TMCC3: variants seen among roughly 807,000 people sequenced by gnomAD.
TMCC3 encodes the protein transmembrane and coiled-coil domain family 3.
A neutral mutation model predicts 40.2 loss-of-function variants in TMCC3; 28 were observed. The observed-to-expected ratio is 0.70, with a 90% CI of 0.52 to 0.95. The LOEUF (loss-of-function observed/expected upper bound fraction) is 0.95, where lower values mean the gene tolerates loss of function less well. Ranked by LOEUF, TMCC3 falls within the 40% of genes least tolerant of loss-of-function variation. The pLI, the probability that TMCC3 is intolerant of heterozygous loss-of-function variation, is 0.00. For missense variants in TMCC3, 554 were observed against 615.2 expected (o/e 0.90, Z 1.05); for synonymous variants, 255 against 248.5 (o/e 1.03, Z -0.25).
chr12:94,628,813 C>T (rs1027573665), intron 1 of TMCC3, among the ~76,000 whole-genome samples: 2 of 152,170 alleles, frequency 1.3e-5, no homozygotes, highest in African/African-American at 4.8e-5. Flanking sequence ...TTCTAGGGCA[C>T]TTAAAGGGTG....
Position 94,582,277 on chromosome 12 carries a change from C to T in TMCC3, c.340G>A (p.Val114Ile), listed in dbSNP as rs759673543. 1.2e-6 allele frequency: 2 copies of T among 1,614,140 alleles called. No homozygotes were observed. Among genetic ancestry groups the T allele is most frequent in the Non-Finnish European group, 1.7e-6 (2 of 1,180,036 alleles). ...GATTTCTGATTCTTCTTCTCAAAGA[C>T]TTGCTTGATACGTCCCGCCTGCTGC... is the stretch of plus-strand genomic sequence containing the variant. Reference protein sequence around the residue: ...DKQQAGRIKQVFEKKNQKSAH... With the variant: ...DKQQAGRIKQIFEKKNQKSAH... The change falls in exon 2 of 4, where the codon GTC (valine) becomes ATC (isoleucine). Residue 114 changes from valine to isoleucine, a missense_variant. Transcript: ENST00000261226.
chr12:94,590,260 A>ATTTT (rs72186655), intron 1 of TMCC3, among the ~76,000 whole-genome samples: 2,347 of 85,310 alleles, frequency 0.028, 194 homozygotes, highest in African/African-American at 0.094. Flanking sequence ...CGCCCTGCTA[A>ATTTT]TTTTTTTTTT....
chr12:94,631,807 CTT>C (rs1487084587), intron 1 of TMCC3, among the ~76,000 whole-genome samples: 7 of 152,174 alleles, frequency 4.6e-5, no homozygotes, highest in Non-Finnish European at 1.5e-5. Context: ...AACTAACCTA[CTT>C]TCTAACTGTG....
intron 1 of TMCC3, among the ~76,000 whole-genome samples, chr12:94,644,022 T>TA (rs751423281): frequency 4.6e-5 from 7 of 152,256 alleles, no homozygotes; most frequent in Non-Finnish European, 1.0e-4. Context: ...TGGTGTACAG[T>TA]AAGCACTCAG....
At position 94,571,590 on chromosome 12, in the gene TMCC3, C is replaced by G; in HGVS notation, c.1279G>C (p.Val427Leu). Residue 427 changes from valine (V) to leucine (L), a missense_variant, in exon 4 of 4, where the codon GTG becomes CTG. Coordinates refer to ENST00000261226, the MANE Select transcript of TMCC3 (RefSeq NM_020698.4). ...AACTTCGCGATGGTGGACACACACA[C>G]TAAGATGACAGTCATGAAGGCCAGG... The part of the protein sequence containing the change: ...VILAFMTVIL[V>L]CVSTIAKFVS... 3 of 1,614,176 alleles carry G rather than the reference C, an allele frequency of 1.9e-6. No homozygotes were observed. Among genetic ancestry groups the G allele is most frequent in the Non-Finnish European group, 2.5e-6 (3 of 1,180,044 alleles).
At chr12:94,584,647 T>C (rs2068627460) in intron 1 of TMCC3, among the ~76,000 whole-genome samples, 2 of 150,838 alleles carry the variant, frequency 1.3e-5, no homozygotes, top group South Asian at 2.1e-4. Context: ...TCAGGCCTCC[T>C]CCACAACTTA....
chr12:94,587,952 A>C (rs1392362071), intron 1 of TMCC3, among the ~76,000 whole-genome samples: 1 of 152,232 alleles, frequency 6.6e-6, no homozygotes, highest in Non-Finnish European at 1.5e-5. Context: ...CCGCCTACTG[A>C]AACGCCATTC....
chr12:94,575,785 G>C lies in TMCC3; in HGVS notation c.1131+2609C>G, dbSNP rs553157324. ...AACGACTTCGTGAAGCAATTGTACT[G>C]TTCACTTGGCAACATTTTTATTTGT... On this transcript the variant is annotated intron_variant, in intron 3 of 3. Coordinates refer to ENST00000261226, the MANE Select transcript of TMCC3 (RefSeq NM_020698.4). 2.0e-5 allele frequency among the ~76,000 whole-genome samples: 3 copies of C among 152,202 alleles called. No individual in the cohort carries two copies. The South Asian group carries it at 6.2e-4, about 32-fold the overall frequency.
At chr12:94,595,159 C>T (rs375939252) in intron 1 of TMCC3, among the ~76,000 whole-genome samples, 70 of 152,168 alleles carry the variant, frequency 4.6e-4, no homozygotes, top group Non-Finnish European at 5.3e-4. Context: ...CCTTCTTTTT[C>T]GACTTTTGGA....
Position 94,590,846 on chromosome 12 carries a change from A to C in TMCC3, c.79-8308T>G. On this transcript the variant is annotated intron_variant, in intron 1 of 3. Transcript: ENST00000261226. ...ATGGGGGACGATGTGCACCCGCAAC[A>C]AACTACCAACACTGGAGAGGAGCCC... 6 of 536,496 alleles carry C rather than the reference A, an allele frequency of 1.1e-5. No individual in the cohort carries two copies. The East Asian group carries it at 2.8e-4, about 25-fold the overall frequency. 33.2% of individuals were successfully genotyped at this position (536,496 alleles called of 1,614,324 possible). A position where few individuals can be genotyped will look rare whatever the true frequency, so the allele number is the denominator to read the frequency against.
chr12:94,631,351 T>C (rs1046018694), intron 1 of TMCC3, among the ~76,000 whole-genome samples: 1 of 152,188 alleles, frequency 6.6e-6, no homozygotes, highest in African/African-American at 2.4e-5. Context: ...GTAACCGTAT[T>C]TCAAGATAGG....
chr12:94,640,101 A>G (rs1266068655), intron 1 of TMCC3, among the ~76,000 whole-genome samples: 1 of 152,214 alleles, frequency 6.6e-6, no homozygotes, highest in Non-Finnish European at 1.5e-5. Context: ...TCAATCCTCA[A>G]TCCAATTCAG....
At chr12:94,638,765 CACA>C (rs1160855343) in intron 1 of TMCC3, among the ~76,000 whole-genome samples, 12 of 152,324 alleles carry the variant, frequency 7.9e-5, no homozygotes, top group Non-Finnish European at 8.8e-5. Context: ...TCTGGATGAT[CACA>C]ACATCTTGAC....
At chr12:94,636,595 C>T (rs547224640) in intron 1 of TMCC3, among the ~76,000 whole-genome samples, 1 of 152,278 alleles carries the variant, frequency 6.6e-6, no homozygotes, top group Admixed American at 6.5e-5. Context: ...AATTAAGGCC[C>T]CTAATCAGTT....
intron 1 of TMCC3, among the ~76,000 whole-genome samples, chr12:94,639,386 A>G (rs1208222594): frequency 6.6e-6 from 1 of 152,126 alleles, no homozygotes; most frequent in Non-Finnish European, 1.5e-5. Flanking sequence ...GTTTGAGACC[A>G]TCTCAGCCAA....
rs1341234398 is a variant in TMCC3 at position 94,578,320 on chromosome 12, A to G, written c.1131+74T>C. 2.0e-6 allele frequency: 3 copies of G among 1,525,302 alleles called. No individual in the cohort carries two copies. The African/African-American group carries it at 4.2e-5, about 21-fold the overall frequency. The allele number at this position is 1,525,302 out of a possible 1,614,324, so 94.5% of individuals were successfully genotyped here. ...AGAAACCCTCTAGGACTTAGGCATA[A>G]ACATTTAGACTGTTAAATGAATTAA... On this transcript the variant is annotated intron_variant, in intron 3 of 3. Transcript: ENST00000261226.
In TMCC3 at chr12:94,590,597, C is replaced by G. The variant is rs141559126; in HGVS notation, c.79-8059G>C. Among the ~76,000 whole-genome samples the G allele has an allele frequency of 2.1e-3, 323 of 152,272 alleles. 2 individuals are homozygous for G. Among genetic ancestry groups the G allele is most frequent in the African/African-American group, 7.4e-3 (308 of 41,562 alleles). ...GGCAAACAGCAGATAAGCCCTGGAT[C>G]TGCCTGGAGGGAAGGGAGAGTGCCC... On this transcript the variant is annotated intron_variant, in intron 1 of 3. Transcript: ENST00000261226.
rs371909198 is a variant in TMCC3, at chr12:94,634,704, C to T, written c.78+15649G>A. Among the ~76,000 whole-genome samples the T allele has an allele frequency of 2.6e-5, 4 of 152,300 alleles. No homozygotes were observed. In the East Asian group the frequency reaches 7.7e-4, roughly 29 times the overall value. ...TTTGCATAAGTAAGTGTCCCTACTG[C>T]TCCCCAGGTAGGGCATAAATGAGCC... On this transcript the variant is annotated intron_variant, in intron 1 of 3. Coordinates refer to ENST00000261226, the MANE Select transcript of TMCC3 (RefSeq NM_020698.4).
chr12:94,603,259 A>C (rs914553821), intron 1 of TMCC3, among the ~76,000 whole-genome samples: 6 of 151,724 alleles, frequency 4.0e-5, no homozygotes, highest in African/African-American at 1.5e-4. Flanking sequence ...TAATTTTTTT[A>C]TTTTTAGTAG....
Sources: gnomAD v4.1 joint callset for allele counts (sites outside exome capture counted in the v4.1 genomes callset) on GRCh38, gnomAD v4.1.1 for gene constraint, MANE v1.5 for transcripts, NCBI Gene and HGNC (gene_info 2026-07-23, HGNC 2026-07-21) for gene names.